ZFYVE16: variants seen among roughly 807,000 people sequenced by gnomAD.
ZFYVE16 encodes zinc finger FYVE domain-containing protein 16.
ZFYVE16 carries 89 observed loss-of-function variants against 138.1 expected under a neutral mutation model. The observed-to-expected ratio is 0.64, with a 90% CI of 0.54 to 0.77. The LOEUF (loss-of-function observed/expected upper bound fraction) is 0.77. ZFYVE16 is among the 30% of genes least tolerant of loss of function. The probability of loss-of-function intolerance (pLI) is 0.00; values close to 1 mark genes in which losing one functional copy is unlikely to be tolerated. For synonymous variants in ZFYVE16, 596 were observed against 618.3 expected (o/e 0.96, Z 0.53); for missense variants, 1,793 against 1,786.7 (o/e 1.00, Z -0.06).
intron 1 of ZFYVE16, among the ~76,000 whole-genome samples, chr5:80,423,944 T>C (rs1747614150): frequency 9.7e-6 from 1 of 103,224 alleles, no homozygotes; most frequent in South Asian, 3.6e-4. Context: ...TTTTTTTTCT[T>C]TTACTTTTTC....
intron 1 of ZFYVE16, among the ~76,000 whole-genome samples, chr5:80,415,801 G>A (rs1441623411): frequency 6.6e-6 from 1 of 152,054 alleles, no homozygotes; most frequent in East Asian, 1.9e-4. Flanking sequence ...TTGAGTAGCT[G>A]GGATTACAGG....
intron 15 of ZFYVE16, among the ~76,000 whole-genome samples, chr5:80,470,337 G>A (rs1580361144): frequency 1.3e-5 from 2 of 151,636 alleles, no homozygotes; most frequent in South Asian, 4.2e-4. Flanking sequence ...TCCTGACCTC[G>A]TTATCCTCCC....
Position 80,456,577 on chromosome 5 carries a change from T to A in ZFYVE16, c.3795+12T>A. The A allele has an allele frequency of 1.3e-6, 2 of 1,591,060 alleles. No homozygotes were observed. The highest frequency in any genetic ancestry group is 8.6e-7 in the Non-Finnish European group (1 of 1,164,508). On this transcript the variant is annotated intron_variant, in intron 13 of 18. Coordinates refer to ENST00000505560, the MANE Select transcript of ZFYVE16 (RefSeq NM_001284236.3). ...AAAAGTACAGTGATGTAAGTATAAT[T>A]GTTTTATTCAAATGACAATTATTGA...
intron 5 of ZFYVE16, chr5:80,441,285 A>G: frequency 1.0e-6 from 1 of 985,362 alleles, no homozygotes; most frequent in Non-Finnish European, 1.2e-6. Flanking sequence ...ACATATTTTG[A>G]CTCTAAGGGT....
intron 12 of ZFYVE16, chr5:80,455,975 T>C: frequency 7.9e-6 from 4 of 507,554 alleles, no homozygotes; most frequent in Non-Finnish European, 1.4e-5. Flanking sequence ...TATCTCCTCA[T>C]GTACGTGTAC....
intron 4 of ZFYVE16, 64 bp from the exon 5 acceptor site, chr5:80,439,872 A>G: frequency 7.2e-7 from 1 of 1,390,286 alleles, no homozygotes; most frequent in Admixed American, 2.1e-5. Flanking sequence ...ACCTCCCCAC[A>G]CTGCCTCTAG....
chr5:80,442,331 A>C (rs1222900545), intron 5 of ZFYVE16, among the ~76,000 whole-genome samples: 2 of 152,106 alleles, frequency 1.3e-5, no homozygotes, highest in Admixed American at 6.6e-5. Flanking sequence ...TCTCAAAGCA[A>C]TCCTGAGCTT....
At chr5:80,434,662 A>G (rs2544598) in intron 3 of ZFYVE16, among the ~76,000 whole-genome samples, 121,506 of 151,830 alleles carry the variant, frequency 0.8, 50,796 homozygotes, top group East Asian at 0.92. Context: ...GTAGAGACAG[A>G]ATCTTCCTAT....
In ZFYVE16 at chr5:80,455,769, C is replaced by T. The variant is rs759261822; in HGVS notation, c.3685C>T (p.Leu1229Phe). 31 of 1,572,380 alleles carry T rather than the reference C, an allele frequency of 2.0e-5. No individual in the cohort carries two copies. The highest frequency in any genetic ancestry group is 1.3e-4 in the Admixed American group (6 of 46,512). ...GEIGHTIMNL[L>F]VDLRNYQYTL... ...AATAGGACACACTATTATGAACTTA[C>T]TTGTTGTGAGTAATTGAACTATTTT... Residue 1229 changes from leucine (L) to phenylalanine (F), a missense_variant, in exon 12 of 19, where the codon CTT becomes TTT. By Grantham distance (22) the Leu-to-Phe change is conservative (BLOSUM62 0). This residue lies in a region of ZFYVE16 where 498 missense variants were observed against 582.4 expected (regional missense o/e 0.86). Transcript: ENST00000505560.
intron 1 of ZFYVE16, among the ~76,000 whole-genome samples, chr5:80,421,058 A>G (rs1480078976): frequency 1.3e-5 from 2 of 152,104 alleles, no homozygotes; most frequent in Non-Finnish European, 2.9e-5. Flanking sequence ...GATGATGAGC[A>G]TTTTTTCATG....
chr5:80,454,102 C>T (rs1752263399), intron 11 of ZFYVE16: 1 of 152,106 alleles, frequency 6.6e-6, no homozygotes. Context: ...CAAATCTAGA[C>T]CCTCTGTCTT....
rs1755202864 is a variant in ZFYVE16, at chr5:80,479,951, A to G, written c.*2574A>G. ...TAGAATTGCCCCAGTGATCTAAAGA[A>G]TCTTAAGCACTGAGCTTCCTTTAAG... On this transcript the variant is annotated 3_prime_UTR_variant, in exon 19 of 19. Coordinates refer to ENST00000505560, the MANE Select transcript of ZFYVE16 (RefSeq NM_001284236.3). Among the ~76,000 whole-genome samples the G allele has an allele frequency of 6.6e-6, 1 of 152,230 alleles. No homozygotes were observed. Among genetic ancestry groups the G allele is most frequent in the Non-Finnish European group, 1.5e-5 (1 of 68,036 alleles).
chr5:80,459,640 A>G (rs538626136), intron 15 of ZFYVE16, 146 bp downstream of exon 15: 2 of 624,060 alleles, frequency 3.2e-6, no homozygotes, highest in African/African-American at 3.7e-5. Context: ...CAGCACAAGA[A>G]GTAGAAGACT....
rs748534822 is a variant in ZFYVE16 at position 80,436,845 on chromosome 5, T to C, written c.160T>C (p.Ser54Pro). 3.1e-6 allele frequency: 5 copies of C among 1,614,038 alleles called. No homozygotes were observed. The South Asian group carries it at 5.5e-5, about 18-fold the overall frequency. Residue 54 changes from serine (S) to proline (P), a missense_variant, in exon 4 of 19, where the codon TCA becomes CCA. Coordinates refer to ENST00000505560, the MANE Select transcript of ZFYVE16 (RefSeq NM_001284236.3). ...SSELASSQRT[S>P]LLPKDQECVN... ...AGAGTTGGCTTCCTCACAGCGAACT[T>C]CATTGCTCCCAAAAGACCAAGAGTG... is the stretch of plus-strand genomic sequence containing the variant.
chr5:80,426,159 G>C (rs561528307), intron 1 of ZFYVE16, among the ~76,000 whole-genome samples: 1 of 149,668 alleles, frequency 6.7e-6, no homozygotes, highest in African/African-American at 2.5e-5. Context: ...TTAAGGACAG[G>C]GTTCCCCGGA....
chr5:80,461,524 A>G (rs1036291741), intron 15 of ZFYVE16, among the ~76,000 whole-genome samples: 10 of 152,206 alleles, frequency 6.6e-5, no homozygotes, highest in Non-Finnish European at 1.5e-5. Context: ...GTAGCGTAAA[A>G]AGCATAAATG....
intron 7 of ZFYVE16, 124 bp downstream of exon 7, chr5:80,445,529 G>A (rs1347976350): frequency 2.5e-6 from 2 of 812,304 alleles, no homozygotes; most frequent in South Asian, 1.9e-5. Context: ...AATAAGAGAT[G>A]TATTGATATA....
Position 80,455,733 on chromosome 5 carries a change from CTTT to C in ZFYVE16, c.3652_3654del (p.Phe1218del). 2 of 1,593,524 alleles carry C rather than the reference CTTT, an allele frequency of 1.3e-6. No individual in the cohort carries two copies. Among genetic ancestry groups the C allele is most frequent in the Non-Finnish European group, 1.7e-6 (2 of 1,174,660 alleles). Reference sequence around the variant, plus strand: ...AACAAGCATCAGAGGCCGAAAACCTCTTTTTGGAGAAATAGGACACACTATTAT... The same window carrying C: ...AACAAGCATCAGAGGCCGAAAACCTCTTGGAGAAATAGGACACACTATTAT... On this transcript the variant is annotated inframe_deletion, in exon 12 of 19. Coordinates refer to ENST00000505560, the MANE Select transcript of ZFYVE16 (RefSeq NM_001284236.3).
intron 6 of ZFYVE16, among the ~76,000 whole-genome samples, chr5:80,443,551 A>G (rs188158638): frequency 2.2e-4 from 34 of 152,276 alleles, no homozygotes; most frequent in African/African-American, 7.5e-4. Flanking sequence ...TCAGTACAGG[A>G]GCACCAGGAG....
Sources: allele counts gnomAD v4.1 joint callset (sites outside exome capture counted in the v4.1 genomes callset), GRCh38; gene constraint gnomAD v4.1.1; regional missense constraint gnomAD v4.1.1; transcripts MANE v1.5; gene names NCBI Gene and HGNC (gene_info 2026-07-23, HGNC 2026-07-21).